The following DCLK1 variants were observed in gnomAD, a reference collection of about 807,000 sequenced individuals.
DCLK1 encodes doublecortin like kinase 1.
A neutral mutation model predicts 86.2 loss-of-function variants in DCLK1; 16 were observed. The ratio of observed to expected loss-of-function variants is 0.19; its 90% CI spans 0.13 to 0.28. The LOEUF (loss-of-function observed/expected upper bound fraction) is 0.28. Ranked by LOEUF, DCLK1 falls within the 10% of genes least tolerant of loss-of-function variation. The pLI is 1.00. For missense variants in DCLK1, 590 were observed against 940.2 expected (o/e 0.63, Z 4.87); for synonymous variants, 369 against 370.5 (o/e 1.00, Z 0.05).
chr13:36,039,374 CAATTCTGGCTGA>C (rs1443048484), intron 3 of DCLK1, among the ~76,000 whole-genome samples: 1 of 152,118 alleles, frequency 6.6e-6, no homozygotes, highest in East Asian at 1.9e-4. Flanking sequence ...GAGCTGCAGG[CAATTCTGGCTGA>C]AATGTTTCAC....
At chr13:35,783,724 A>G (rs2086571108) in intron 16 of DCLK1, among the ~76,000 whole-genome samples, 1 of 151,980 alleles carries the variant, frequency 6.6e-6, no homozygotes, top group South Asian at 2.1e-4. Context: ...TGCTGGGATT[A>G]CAGGTGCCCA....
rs368935349 is a variant in DCLK1 at position 36,130,914 on chromosome 13, C to G, written c.-20+200G>C. Among the ~76,000 whole-genome samples the G allele has an allele frequency of 2.6e-4, 39 of 152,156 alleles. No homozygotes were observed. In the East Asian group the frequency reaches 7.4e-3, roughly 29 times the overall value. On this transcript the variant is annotated intron_variant, in intron 1 of 16. Coordinates refer to ENST00000360631, the MANE Select transcript of DCLK1 (RefSeq NM_001330071.2). Reference sequence around the variant, plus strand: ...AGGTGCCAGCAGCCCCGGGGCCGCCCGCACGCAACGCCCCCGGGTCGGGCC... The same window carrying G: ...AGGTGCCAGCAGCCCCGGGGCCGCCGGCACGCAACGCCCCCGGGTCGGGCC...
chr13:35,958,150 C>CCAT (rs1566620683), intron 3 of DCLK1, among the ~76,000 whole-genome samples: 25 of 23,262 alleles, frequency 1.1e-3, no homozygotes, highest in African/African-American at 2.7e-3. Context: ...ACCACCACCA[C>CCAT]CACTATAACC....
At chr13:35,786,704 T>C (rs546411022) in intron 16 of DCLK1, among the ~76,000 whole-genome samples, 1 of 152,222 alleles carries the variant, frequency 6.6e-6, no homozygotes, top group Admixed American at 6.5e-5. Context: ...TGTTACAAAG[T>C]CAAAAAAGAA....
At chr13:36,004,768 G>C (rs1470110337) in intron 3 of DCLK1, among the ~76,000 whole-genome samples, 1 of 152,068 alleles carries the variant, frequency 6.6e-6, no homozygotes, top group Admixed American at 6.6e-5. Context: ...CGTAGAAACA[G>C]GGTTTTGCCA....
intron 4 of DCLK1, among the ~76,000 whole-genome samples, chr13:35,887,508 T>C (rs1035961746): frequency 5.9e-5 from 9 of 152,174 alleles, no homozygotes; most frequent in Non-Finnish European, 1.2e-4. Context: ...CTCAGCCCTC[T>C]CCTGTCATCT....
chr13:35,923,387 T>C lies in DCLK1; in HGVS notation c.823+23971A>G, dbSNP rs564072864. 1.3e-4 allele frequency among the ~76,000 whole-genome samples: 20 copies of C among 151,956 alleles called. No homozygotes were observed. In the Middle Eastern group the frequency reaches 0.01, roughly 78 times the overall value. On this transcript the variant is annotated intron_variant, in intron 4 of 16. Coordinates refer to ENST00000360631, the MANE Select transcript of DCLK1 (RefSeq NM_001330071.2). Reference sequence around the variant, plus strand: ...CTAGCTTCACTTTCTTTTTTTTTTTTACCACCTTTCCCCTGAGCTGTTGAA... The same window carrying C: ...CTAGCTTCACTTTCTTTTTTTTTTTCACCACCTTTCCCCTGAGCTGTTGAA...
Position 35,768,753 on chromosome 13 carries a change from G to T in DCLK1, c.*5782C>A, listed in dbSNP as rs1378189091. 1 of 152,214 alleles carries T rather than the reference G, an allele frequency of 6.6e-6. No homozygotes were observed. Among genetic ancestry groups the T allele is most frequent in the Non-Finnish European group, 1.5e-5 (1 of 68,050 alleles). 9.4% of individuals were successfully genotyped at this position (152,214 alleles called of 1,614,324 possible). A position where few individuals can be genotyped will look rare whatever the true frequency, so the allele number is the denominator to read the frequency against. Reference sequence around the variant, plus strand: ...TTTGAAATAGCTGTTTTTGAATTATGCTCATGAAATACACACTGTGCTATG... The same window carrying T: ...TTTGAAATAGCTGTTTTTGAATTATTCTCATGAAATACACACTGTGCTATG... On this transcript the variant is annotated 3_prime_UTR_variant, in exon 17 of 17. Transcript: ENST00000360631.
At chr13:35,780,651 T>C (rs950315170) in intron 16 of DCLK1, among the ~76,000 whole-genome samples, 1 of 152,168 alleles carries the variant, frequency 6.6e-6, no homozygotes, top group Non-Finnish European at 1.5e-5. Flanking sequence ...TAAAATGGTA[T>C]AGAGAAATGG....
At chr13:35,927,754 C>T (rs1593740256) in intron 4 of DCLK1, among the ~76,000 whole-genome samples, 2 of 152,312 alleles carry the variant, frequency 1.3e-5, no homozygotes, top group East Asian at 3.9e-4. Flanking sequence ...GAAAGGTCAA[C>T]CATGTGATTA....
At chr13:35,981,419 C>T (rs1019417704) in intron 3 of DCLK1, among the ~76,000 whole-genome samples, 1 of 152,054 alleles carries the variant, frequency 6.6e-6, no homozygotes, top group Non-Finnish European at 1.5e-5. Flanking sequence ...ACACAGACAG[C>T]CTCCCCCACT....
At chr13:35,828,655 T>C (rs762798303) in intron 8 of DCLK1, among the ~76,000 whole-genome samples, 1 of 148,420 alleles carries the variant, frequency 6.7e-6, no homozygotes, top group African/African-American at 2.5e-5. Context: ...AACTTTCTAA[T>C]AAACTTCCAC....
chr13:35,982,567 G>A (rs998606255), intron 3 of DCLK1, among the ~76,000 whole-genome samples: 3 of 152,074 alleles, frequency 2.0e-5, no homozygotes, highest in African/African-American at 7.2e-5. Context: ...TGGGCCCACA[G>A]TGAGATCACA....
At chr13:36,098,253 G>A (rs532951595) in intron 3 of DCLK1, among the ~76,000 whole-genome samples, 11 of 152,138 alleles carry the variant, frequency 7.2e-5, no homozygotes, top group African/African-American at 1.9e-4. Context: ...CAATCTTCAC[G>A]TAAACTGGAG....
At chr13:35,915,102 T>C (rs184159173) in intron 4 of DCLK1, among the ~76,000 whole-genome samples, 7 of 152,270 alleles carry the variant, frequency 4.6e-5, no homozygotes, top group Admixed American at 3.3e-4. Context: ...TTCTGAAACA[T>C]AAAAATAAGT....
Position 36,086,553 on chromosome 13 carries a change from C to T in DCLK1, c.723+25316G>A, listed in dbSNP as rs915254300. ...ATGTGCCATGGTGGTTTGCTGCACCCATCAACCCGTCATCTAGGTTTTAAG... is the reference window on the plus strand; with the variant it reads ...ATGTGCCATGGTGGTTTGCTGCACCTATCAACCCGTCATCTAGGTTTTAAG... On this transcript the variant is annotated intron_variant, in intron 3 of 16. Transcript: ENST00000360631. 3.3e-5 allele frequency among the ~76,000 whole-genome samples: 5 copies of T among 151,716 alleles called. No homozygotes were observed. In the East Asian group the frequency reaches 9.7e-4, roughly 30 times the overall value.
intron 3 of DCLK1, among the ~76,000 whole-genome samples, chr13:36,024,077 G>A (rs1013684189): frequency 2.0e-5 from 3 of 151,836 alleles, no homozygotes; most frequent in Middle Eastern, 3.4e-3. Context: ...TGTATTTTTA[G>A]TAGAGGCGGG....
intron 16 of DCLK1, among the ~76,000 whole-genome samples, chr13:35,784,500 T>G (rs770333992): frequency 6.6e-6 from 1 of 152,216 alleles, no homozygotes; most frequent in Non-Finnish European, 1.5e-5. Flanking sequence ...ACAACAGGCA[T>G]AGTATCACTC....
chr13:35,978,127 G>A (rs1879441232), intron 3 of DCLK1, among the ~76,000 whole-genome samples: 1 of 148,662 alleles, frequency 6.7e-6, no homozygotes, highest in Non-Finnish European at 1.5e-5. Flanking sequence ...AATACATGAA[G>A]AAAACACTTG....
Sources: allele counts gnomAD v4.1 joint callset (sites outside exome capture counted in the v4.1 genomes callset), GRCh38; gene constraint gnomAD v4.1.1; transcripts MANE v1.5; gene names NCBI Gene and HGNC (gene_info 2026-07-23, HGNC 2026-07-21).